BBS9: variants seen among roughly 807,000 people sequenced by gnomAD.
BBS9 encodes the protein protein PTHB1.
BBS9 carries 89 observed loss-of-function variants against 117.7 expected under a neutral mutation model. The observed-to-expected ratio is 0.76, with a 90% CI of 0.64 to 0.90. The LOEUF (loss-of-function observed/expected upper bound fraction) is 0.90. BBS9 is among the 40% of genes least tolerant of loss of function. BBS9 has a pLI of 0.00. For synonymous variants in BBS9, 379 were observed against 370.9 expected, an observed-to-expected ratio of 1.02 and a Z score of -0.25; for missense variants, 982 against 1,042.2, an observed-to-expected ratio of 0.94 and a Z score of 0.80.
At chr7:33,426,920 C>T (rs1035264662) in intron 19 of BBS9, among the ~76,000 whole-genome samples, 1 of 151,960 alleles carries the variant, frequency 6.6e-6, no homozygotes, top group Admixed American at 6.6e-5. Context: ...TAGAGAATAC[C>T]CTTAGACAAC....
At chr7:33,379,754 A>G (rs190280957) in intron 17 of BBS9, among the ~76,000 whole-genome samples, 22 of 152,358 alleles carry the variant, frequency 1.4e-4, no homozygotes, top group Non-Finnish European at 4.4e-5. Flanking sequence ...CAATAATGAC[A>G]ATAAGTAACA....
At chr7:33,297,447 G>A (rs999225888) in intron 9 of BBS9, among the ~76,000 whole-genome samples, 1 of 152,104 alleles carries the variant, frequency 6.6e-6, no homozygotes, top group Admixed American at 6.6e-5. Flanking sequence ...AGTCTTTAGC[G>A]GTGGGTGACT....
At chr7:33,302,600 T>C (rs918180036) in intron 9 of BBS9, among the ~76,000 whole-genome samples, 3 of 152,224 alleles carry the variant, frequency 2.0e-5, no homozygotes, top group African/African-American at 7.2e-5. Flanking sequence ...TGTTTTGATT[T>C]GTTTCTGGGT....
chr7:33,314,356 T>C (rs1460269694), intron 9 of BBS9: 1 of 380,822 alleles, frequency 2.6e-6, no homozygotes, highest in East Asian at 7.7e-5. Context: ...AATACTTGCC[T>C]TCTTGGCATT....
chr7:33,352,034 T>A (rs1818765124), intron 14 of BBS9: 2 of 153,302 alleles, frequency 1.3e-5, no homozygotes, highest in Middle Eastern at 3.4e-3. Context: ...GCCCTCAGGC[T>A]GTTTTAAGCC....
At chr7:33,172,783 A>G (rs1342124190) in intron 4 of BBS9, among the ~76,000 whole-genome samples, 5 of 152,380 alleles carry the variant, frequency 3.3e-5, no homozygotes. Flanking sequence ...TTCCATATGT[A>G]CATAGCTAAG....
intron 21 of BBS9, among the ~76,000 whole-genome samples, chr7:33,556,340 C>T (rs926392796): frequency 4.6e-5 from 7 of 152,206 alleles, no homozygotes; most frequent in African/African-American, 1.7e-4. Context: ...AAGTCAAACA[C>T]AAGGGTGATG....
chr7:33,282,048 A>C (rs1802013394), intron 9 of BBS9, among the ~76,000 whole-genome samples: 1 of 152,088 alleles, frequency 6.6e-6, no homozygotes, highest in African/African-American at 2.4e-5. Flanking sequence ...TCCTAGCCCC[A>C]AGAGATCCTC....
intron 21 of BBS9, among the ~76,000 whole-genome samples, chr7:33,564,180 C>T (rs1475172937): frequency 6.6e-6 from 1 of 152,136 alleles, no homozygotes; most frequent in East Asian, 1.9e-4. Flanking sequence ...ATCTTAGTTA[C>T]ATTATAGTGT....
chr7:33,203,327 C>T (rs1055408118), intron 5 of BBS9, among the ~76,000 whole-genome samples: 4 of 152,154 alleles, frequency 2.6e-5, no homozygotes, highest in Admixed American at 2.6e-4. Context: ...GCCCCATTCT[C>T]AGAGTTTCTG....
At chr7:33,500,568 G>A (rs1032504053) in intron 19 of BBS9, among the ~76,000 whole-genome samples, 5 of 152,172 alleles carry the variant, frequency 3.3e-5, no homozygotes, top group African/African-American at 1.2e-4. Context: ...GATAATCTGG[G>A]TATGACAGCC....
chr7:33,182,968 C>A (rs2128174955), intron 5 of BBS9, among the ~76,000 whole-genome samples: 2 of 152,254 alleles, frequency 1.3e-5, no homozygotes, highest in South Asian at 4.2e-4. Context: ...GGGGACATTT[C>A]CATACCTTCT....
At chr7:33,526,863 C>T (rs1414368132) in intron 20 of BBS9, among the ~76,000 whole-genome samples, 21 of 151,294 alleles carry the variant, frequency 1.4e-4, no homozygotes, top group Non-Finnish European at 2.2e-4. Context: ...TCTGTTTTTT[C>T]CCCATCTTTG....
At chr7:33,138,531 C>T (rs1562655463) in intron 1 of BBS9, among the ~76,000 whole-genome samples, 1 of 149,770 alleles carries the variant, frequency 6.7e-6, no homozygotes, top group East Asian at 2.4e-4. Context: ...CCAGGGATTA[C>T]ACCTGGAGTA....
intron 17 of BBS9, among the ~76,000 whole-genome samples, chr7:33,377,292 C>T (rs917738154): frequency 1.3e-5 from 2 of 151,566 alleles, no homozygotes. Context: ...GCACCATTTG[C>T]GTGTTTTTGT....
intron 20 of BBS9, among the ~76,000 whole-genome samples, chr7:33,513,084 G>A (rs1009384508): frequency 3.9e-5 from 6 of 152,106 alleles, no homozygotes; most frequent in Non-Finnish European, 8.8e-5. Flanking sequence ...CAGTCACTTG[G>A]CTCTACCATA....
At chr7:33,325,817 C>T (rs997546531) in intron 9 of BBS9, among the ~76,000 whole-genome samples, 1 of 152,094 alleles carries the variant, frequency 6.6e-6, no homozygotes, top group South Asian at 2.1e-4. Flanking sequence ...TGCTTTCTTC[C>T]CTTACCTTTT....
At chr7:33,134,107 A>G (rs1269468196) in intron 1 of BBS9, among the ~76,000 whole-genome samples, 2 of 151,790 alleles carry the variant, frequency 1.3e-5, no homozygotes, top group Non-Finnish European at 2.9e-5. Context: ...CTGGAGTGCA[A>G]TGGTGTGGTT....
chr7:33,278,500 A>G (rs1468514564), intron 9 of BBS9, among the ~76,000 whole-genome samples: 2 of 152,108 alleles, frequency 1.3e-5, no homozygotes. Flanking sequence ...TAAATATATC[A>G]TCCCATATTT....
Sources: gnomAD v4.1 joint callset for allele counts (sites outside exome capture counted in the v4.1 genomes callset) on GRCh38, gnomAD v4.1.1 for gene constraint, MANE v1.5 for transcripts, NCBI Gene and HGNC (gene_info 2026-07-23, HGNC 2026-07-21) for gene names.